ARHGEF4: variants seen among roughly 807,000 people sequenced by gnomAD.
The protein encoded by ARHGEF4 is APC-stimulated guanine nucleotide exchange factor 1.
ARHGEF4 carries 119 observed loss-of-function variants against 162.0 expected under a neutral mutation model. The observed-to-expected ratio is 0.73, with a 90% CI of 0.63 to 0.86. The LOEUF is 0.86. Among genes scored for constraint, ARHGEF4 ranks in the 40% least tolerant of loss-of-function variants. ARHGEF4 has a pLI of 0.00. For synonymous variants in ARHGEF4, 1,014 were observed against 979.9 expected, an observed-to-expected ratio of 1.03 and a Z score of -0.65; for missense variants, 2,488 against 2,456.0, an observed-to-expected ratio of 1.01 and a Z score of -0.28.
intron 4 of ARHGEF4, among the ~76,000 whole-genome samples, chr2:130,991,260 A>G (rs560981244): frequency 1.3e-5 from 2 of 152,362 alleles, no homozygotes; most frequent in Admixed American, 1.3e-4. Context: ...GCTTATTAGC[A>G]GTATTGAGAG....
chr2:130,963,195 G>A (rs927720747), intron 4 of ARHGEF4, among the ~76,000 whole-genome samples: 2 of 152,164 alleles, frequency 1.3e-5, no homozygotes, highest in Non-Finnish European at 2.9e-5. Flanking sequence ...TTCTAAAATC[G>A]TTTGGCATGG....
chr2:130,860,709 C>G (rs1681966973), intron 1 of ARHGEF4, among the ~76,000 whole-genome samples: 1 of 111,548 alleles, frequency 9.0e-6, no homozygotes, highest in Non-Finnish European at 1.7e-5. Flanking sequence ...GACTCCATCT[C>G]AAAAAAATAA....
At chr2:131,002,362 G>A (rs543723559) in intron 4 of ARHGEF4, among the ~76,000 whole-genome samples, 2 of 152,192 alleles carry the variant, frequency 1.3e-5, no homozygotes, top group Admixed American at 6.5e-5. Flanking sequence ...CAGATCACGA[G>A]GTCAGGAGAT....
At chr2:130,954,473 C>A (rs1684148314) in intron 4 of ARHGEF4, among the ~76,000 whole-genome samples, 1 of 152,144 alleles carries the variant, frequency 6.6e-6, no homozygotes, top group African/African-American at 2.4e-5. Context: ...GGGTGCAGCA[C>A]ACCAATGTGG....
intron 4 of ARHGEF4, among the ~76,000 whole-genome samples, chr2:130,977,135 CTG>C (rs903973729): frequency 4.0e-5 from 6 of 150,230 alleles, no homozygotes; most frequent in East Asian, 2.0e-4. Flanking sequence ...TGTGTGATGT[CTG>C]TGTATGTTAG....
At chr2:130,842,069 G>A (rs1204670726) in intron 1 of ARHGEF4, among the ~76,000 whole-genome samples, 1 of 152,198 alleles carries the variant, frequency 6.6e-6, no homozygotes, top group Non-Finnish European at 1.5e-5. Flanking sequence ...TTTCCTTGAT[G>A]GTTTCACTTG....
chr2:131,026,968 A>G (rs534341341), intron 4 of ARHGEF4, among the ~76,000 whole-genome samples: 2 of 152,370 alleles, frequency 1.3e-5, no homozygotes, highest in South Asian at 4.1e-4. Context: ...TAAGCAATAC[A>G]CAATACATTT....
At chr2:130,934,096 C>G (rs1232510891) in intron 3 of ARHGEF4, among the ~76,000 whole-genome samples, 1 of 152,046 alleles carries the variant, frequency 6.6e-6, no homozygotes, top group African/African-American at 2.4e-5. Context: ...TAAGGAAGTT[C>G]GTTTCTATTT....
intron 3 of ARHGEF4, among the ~76,000 whole-genome samples, chr2:130,941,316 G>A (rs1191896479): frequency 1.3e-5 from 2 of 150,962 alleles, no homozygotes; most frequent in African/African-American, 4.9e-5. Flanking sequence ...AAGCAATTCT[G>A]CCTCAGCCTC....
Position 130,914,556 on chromosome 2 carries a change from G to T in ARHGEF4, c.610G>T (p.Asp204Tyr), listed in dbSNP as rs1024125500. The T allele has an allele frequency of 7.1e-7, 1 of 1,406,148 alleles. No homozygotes were observed. The highest frequency in any genetic ancestry group is 2.6e-5 in the East Asian group (1 of 38,986). 87.1% of individuals were successfully genotyped at this position (1,406,148 alleles called of 1,614,324 possible). ...GCCAGTACAGGGGGTGGCTGTTCAA[G>T]ACCTCAGAGGGCTCTCCAGTGTTTC... ...PEPVQGVAVQ[D>Y]LRGLSSVSLQ... Residue 204 changes from aspartate to tyrosine, a missense_variant, in exon 2 of 14, where the codon GAC becomes TAC. Around this residue, in one of 6 missense-constraint regions of ARHGEF4, gnomAD observed 81 missense variants for 125.8 expected, o/e 0.64. Transcript: ENST00000409359.
In ARHGEF4 at chr2:131,041,844, A is replaced by G; in HGVS notation, c.4925A>G (p.His1642Arg). Reference sequence around the variant, plus strand: ...TTCAAGGATGTTGAAGCCGCCTTGCATGCCATGAAGAACGTGGCCCAGCTC... The same window carrying G: ...TTCAAGGATGTTGAAGCCGCCTTGCGTGCCATGAAGAACGTGGCCCAGCTC... ...RDFKDVEAALHAMKNVAQLIN... is the reference protein window; with the variant it reads ...RDFKDVEAALRAMKNVAQLIN... Residue 1642 changes from histidine to arginine, a missense_variant, in exon 10 of 14, where the codon CAT becomes CGT. Physicochemically the swap from His to Arg is conservative, Grantham distance 29. Transcript: ENST00000409359. 6.2e-7 allele frequency: 1 copy of G among 1,613,636 alleles called. No homozygotes were observed. The highest frequency in any genetic ancestry group is 1.1e-5 in the South Asian group (1 of 91,080).
At chr2:130,853,315 C>T (rs1681543084) in intron 1 of ARHGEF4, among the ~76,000 whole-genome samples, 1 of 152,198 alleles carries the variant, frequency 6.6e-6, no homozygotes, top group African/African-American at 2.4e-5. Flanking sequence ...GAGAGCCTCT[C>T]TGGGCACACG....
rs372722240 is a variant in ARHGEF4, at chr2:130,854,381, G to A, written c.39+17389G>A. On this transcript the variant is annotated intron_variant, in intron 1 of 13. Coordinates refer to ENST00000409359, the MANE Select transcript of ARHGEF4 (RefSeq NM_001367493.1). ...CACGCCCCACCTCTTCCTAGGAAGCGGGGTGGGCACACCCTGGGGAAGCTC... is the reference window on the plus strand; with the variant it reads ...CACGCCCCACCTCTTCCTAGGAAGCAGGGTGGGCACACCCTGGGGAAGCTC... Among the ~76,000 whole-genome samples, 20 of 152,220 alleles carry A rather than the reference G, an allele frequency of 1.3e-4. 1 individual carries two copies. The highest frequency in any genetic ancestry group is 4.1e-4 in the African/African-American group (17 of 41,532).
chr2:130,840,309 A>G (rs376178559), intron 1 of ARHGEF4, among the ~76,000 whole-genome samples: 91 of 152,338 alleles, frequency 6.0e-4, no homozygotes, highest in African/African-American at 2.1e-3. Flanking sequence ...TAGGGAGGTC[A>G]TAAGTGGGAC....
intron 1 of ARHGEF4, among the ~76,000 whole-genome samples, chr2:130,878,195 C>CT (rs929880405): frequency 4.7e-4 from 72 of 152,000 alleles, no homozygotes; most frequent in Non-Finnish European, 1.5e-4. Context: ...TATTCTTTAT[C>CT]TTTTTTTTAC....
At chr2:130,840,902 C>T (rs1180747269) in intron 1 of ARHGEF4, among the ~76,000 whole-genome samples, 1 of 152,170 alleles carries the variant, frequency 6.6e-6, no homozygotes, top group Admixed American at 6.5e-5. Context: ...AGGTGACCAG[C>T]CTCCCTACAA....
rs1306221868 is a variant in ARHGEF4, at chr2:130,974,454, TTTA to T, written c.3985+27822_3985+27824del. On this transcript the variant is annotated intron_variant, in intron 4 of 13. Transcript: ENST00000409359. ...ATCCTAGCTCTTTTTGTTTGTTGTT[TTTA>T]TTTTTTGAGACAGTGTCTGGCTCTG... 4.6e-5 allele frequency among the ~76,000 whole-genome samples: 7 copies of T among 152,118 alleles called. No individual in the cohort carries two copies. In the East Asian group the frequency reaches 1.4e-3, roughly 29 times the overall value.
At chr2:131,040,577 C>T in intron 8 of ARHGEF4, 137 bp downstream of exon 8, 2 of 1,012,008 alleles carry the variant, frequency 2.0e-6, no homozygotes, top group East Asian at 2.6e-5. Context: ...CTATCTGCCC[C>T]GCTGCCCGCA....
chr2:130,915,129 A>G lies in ARHGEF4; in HGVS notation c.1183A>G (p.Ser395Gly), dbSNP rs751321304. 1.3e-5 allele frequency: 20 copies of G among 1,550,452 alleles called. No homozygotes were observed. The South Asian group carries it at 2.4e-4, about 18-fold the overall frequency. ...GTCTGGCCCGATTCCTGCTTTTCAG[A>G]GTGGGGCTCCCCATCTGCAGGGTCC... ...QLSGPIPAFQ[S>G]GAPHLQGPCK... The change falls in exon 2 of 14, where the codon AGT (serine) becomes GGT (glycine). Residue 395 changes from serine to glycine, a missense_variant. By Grantham distance (56) the Ser-to-Gly change is moderately conservative. Transcript: ENST00000409359.
Sources: allele counts gnomAD v4.1 joint callset (sites outside exome capture counted in the v4.1 genomes callset), GRCh38; gene constraint gnomAD v4.1.1; regional missense constraint gnomAD v4.1.1; transcripts MANE v1.5; gene names NCBI Gene and HGNC (gene_info 2026-07-23, HGNC 2026-07-21).